THSD4: variants seen among roughly 807,000 people sequenced by gnomAD.
The protein encoded by THSD4 is thrombospondin type-1 domain-containing protein 4.
In THSD4, 69 loss-of-function variants were observed where a neutral mutation model predicts 119.0. The observed-to-expected ratio is 0.58, with a 90% CI of 0.48 to 0.71. The LOEUF is 0.71. Ranked by LOEUF, THSD4 falls within the 30% of genes least tolerant of loss-of-function variation. The pLI is 0.00. For synonymous variants in THSD4, 524 were observed against 540.4 expected (o/e 0.97, Z 0.42); for missense variants, 1,393 against 1,391.1 (o/e 1.00, Z -0.02).
chr15:71,222,616 G>A (rs117083791), intron 4 of THSD4, among the ~76,000 whole-genome samples: 4,725 of 152,242 alleles, frequency 0.031, 110 homozygotes, highest in Non-Finnish European at 0.047. Flanking sequence ...GTGTTTGGGG[G>A]TGAAAGAGGT....
At chr15:71,357,200 C>T (rs2045826732) in intron 6 of THSD4, among the ~76,000 whole-genome samples, 1 of 152,298 alleles carries the variant, frequency 6.6e-6, no homozygotes, top group Non-Finnish European at 1.5e-5. Context: ...CCTAGCTGGC[C>T]CCACGGCTTG....
chr15:71,113,054 T>C (rs2040319084), upstream of THSD4, among the ~76,000 whole-genome samples: 1 of 152,166 alleles, frequency 6.6e-6, no homozygotes, highest in African/African-American at 2.4e-5. Context: ...TCAAATGTGG[T>C]GGCGCACGCC....
At chr15:71,752,791 G>A (rs1464497604) in intron 14 of THSD4, among the ~76,000 whole-genome samples, 4 of 152,208 alleles carry the variant, frequency 2.6e-5, no homozygotes, top group Non-Finnish European at 5.9e-5. Flanking sequence ...TTCTTCTTCA[G>A]CTGCGTGTTA....
chr15:71,732,099 C>G (rs1228238505), intron 10 of THSD4: 1 of 152,286 alleles, frequency 6.6e-6, no homozygotes, highest in African/African-American at 2.4e-5. Context: ...TCAGATTACA[C>G]TGGGCCCACC....
At chr15:71,333,647 A>G (rs2045455357) in intron 6 of THSD4, among the ~76,000 whole-genome samples, 1 of 152,142 alleles carries the variant, frequency 6.6e-6, no homozygotes, top group Non-Finnish European at 1.5e-5. Flanking sequence ...TTTTTCCAAA[A>G]ATCGGCCAGA....
At chr15:71,386,017 G>A (rs907148242) in intron 6 of THSD4, among the ~76,000 whole-genome samples, 2 of 152,148 alleles carry the variant, frequency 1.3e-5, no homozygotes, top group African/African-American at 4.8e-5. Flanking sequence ...AGTAGCTAGC[G>A]GACCAACAGA....
At chr15:71,561,639 C>T (rs1364071754) in intron 7 of THSD4, among the ~76,000 whole-genome samples, 1 of 151,982 alleles carries the variant, frequency 6.6e-6, no homozygotes, top group Non-Finnish European at 1.5e-5. Flanking sequence ...AATTCCTTAA[C>T]CAAATCTGAT....
rs748713585 is a variant in THSD4 at position 71,746,825 on chromosome 15, A to T, written c.2037-13A>T. 1.9e-6 allele frequency: 3 copies of T among 1,612,832 alleles called. No homozygotes were observed. The Admixed American group carries it at 5.0e-5, about 27-fold the overall frequency. On this transcript the variant is annotated splice_polypyrimidine_tract_variant and intron_variant, in intron 12 of 17. Coordinates refer to ENST00000261862, the MANE Select transcript of THSD4 (RefSeq NM_024817.3). ...GGTTGTCTCTCACTCTCGCTCTCTC[A>T]TTCCTGAACCAGCTGGGACATCGGG...
rs560874628 is a variant in THSD4 at position 71,631,799 on chromosome 15, A to G, written c.1153-28731A>G. Among the ~76,000 whole-genome samples the G allele has an allele frequency of 5.0e-4, 76 of 152,292 alleles. No homozygotes were observed. The South Asian group carries it at 0.014, about 28-fold the overall frequency. On this transcript the variant is annotated intron_variant, in intron 7 of 17. Transcript: ENST00000261862. The stretch of plus-strand genomic sequence containing the variant: ...TTCCTCTAGGATACATGAGTCCCAG[A>G]CCAAAAGGAGAAGAAAAACAATGGG...
intron 7 of THSD4, among the ~76,000 whole-genome samples, chr15:71,589,705 C>T (rs1050521052): frequency 1.4e-5 from 2 of 139,326 alleles, no homozygotes; most frequent in Non-Finnish European, 3.3e-5. Flanking sequence ...TTGAAAAATA[C>T]TACCCAGAAA....
intron 6 of THSD4, among the ~76,000 whole-genome samples, chr15:71,331,920 A>G (rs2045426175): frequency 6.8e-6 from 1 of 148,116 alleles, no homozygotes; most frequent in Admixed American, 7.0e-5. Flanking sequence ...AGCATCTTCC[A>G]GGAAGCAGAC....
chr15:71,740,408 A>C (rs1464935493), intron 11 of THSD4, among the ~76,000 whole-genome samples: 3 of 152,204 alleles, frequency 2.0e-5, no homozygotes, highest in Non-Finnish European at 4.4e-5. Context: ...AACCAGATAC[A>C]CTCAGAACTA....
At chr15:71,435,282 G>C (rs1215564526) in intron 7 of THSD4, among the ~76,000 whole-genome samples, 2 of 152,160 alleles carry the variant, frequency 1.3e-5, no homozygotes, top group Non-Finnish European at 2.9e-5. Flanking sequence ...CTACAGGCCA[G>C]AGTGTCTTTT....
intron 6 of THSD4, among the ~76,000 whole-genome samples, chr15:71,316,280 A>C (rs17786786): frequency 0.32 from 49,389 of 152,058 alleles, 8,151 homozygotes; most frequent in South Asian, 0.5. Context: ...GCTTGACTTC[A>C]AATTAAGTAC....
chr15:71,587,789 AAAAAAAAAAAG>A (rs1315021119), intron 7 of THSD4, among the ~76,000 whole-genome samples: 25 of 109,636 alleles, frequency 2.3e-4, no homozygotes, highest in Admixed American at 5.4e-4. Flanking sequence ...AAAAAAATTA[AAAAAAAAAAAG>A]AAAAAAAAAA....
intron 8 of THSD4, among the ~76,000 whole-genome samples, chr15:71,664,262 A>T (rs148070891): frequency 6.6e-6 from 1 of 151,922 alleles, no homozygotes; most frequent in Non-Finnish European, 1.5e-5. Flanking sequence ...GATTACAGGC[A>T]TGAGCCACCA....
intron 2 of THSD4, among the ~76,000 whole-genome samples, chr15:71,143,700 C>CTTTTTTTTTTTTTTTTTTTT (rs546375502): frequency 4.0e-5 from 4 of 100,730 alleles, no homozygotes; most frequent in South Asian, 3.5e-4. Context: ...TTTTTTCTTT[C>CTTTTTTTTTTTTTTTTTTTT]TTTTTTTTTT....
intron 7 of THSD4, among the ~76,000 whole-genome samples, chr15:71,532,283 AGTGT>A (rs1210856261): frequency 0.042 from 4,287 of 101,216 alleles, 116 homozygotes; most frequent in Middle Eastern, 0.055. Flanking sequence ...AGAGAGAGAG[AGTGT>A]GTGTGTGTGT....
chr15:71,731,243 G>A lies in THSD4; in HGVS notation c.1630+26G>A, dbSNP rs559954883. The A allele has an allele frequency of 3.1e-6, 5 of 1,604,616 alleles. No individual in the cohort carries two copies. The East Asian group carries it at 8.9e-5, about 29-fold the overall frequency. ...GTAGAATCCCTTGTCTTGTGGCCGGGGACTCTGGTCATTTCCTTGTAAAGC... is the reference window on the plus strand; with the variant it reads ...GTAGAATCCCTTGTCTTGTGGCCGGAGACTCTGGTCATTTCCTTGTAAAGC... On this transcript the variant is annotated intron_variant, in intron 10 of 17. Transcript: ENST00000261862.
Sources: gnomAD v4.1 joint callset for allele counts (sites outside exome capture counted in the v4.1 genomes callset) on GRCh38, gnomAD v4.1.1 for gene constraint, MANE v1.5 for transcripts, NCBI Gene and HGNC (gene_info 2026-07-23, HGNC 2026-07-21) for gene names.